The following PPM1N variants were observed in gnomAD, a reference collection of about 807,000 sequenced individuals.
PPM1N encodes the protein protein phosphatase, Mg2+/Mn2+ dependent 1N (putative), also known as probable protein phosphatase 1N.
PPM1N carries 35 observed loss-of-function variants against 32.6 expected under a neutral mutation model. That is an observed-to-expected ratio of 1.07 (90% CI 0.82 to 1.43). PPM1N has a LOEUF of 1.43. PPM1N is among the 40% of genes most tolerant of loss of function. PPM1N has a pLI of 0.00. For missense variants in PPM1N, 648 were observed against 606.6 expected (o/e 1.07, Z -0.72); for synonymous variants, 275 against 270.5 (o/e 1.02, Z -0.16).
chr19:45,499,087 C>T lies in PPM1N; in HGVS notation c.615C>T (p.Pro205=). The T allele has an allele frequency of 6.6e-7, 1 of 1,515,864 alleles. No homozygotes were observed. Among genetic ancestry groups the T allele is most frequent in the Non-Finnish European group, 8.8e-7 (1 of 1,142,140 alleles). The allele number at this position is 1,515,864 out of a possible 1,614,324, so 93.9% of individuals were successfully genotyped here. The change falls in exon 1 of 5, where the codon CCC becomes CCT. Residue 205 remains proline (P), a synonymous_variant. Transcript: ENST00000451287. The part of the protein sequence containing the change: ...FSTEDHRPLR[P]RERERIHAAG... ...CAGAGGACCACCGGCCCCTTCGACC[C>T]CGGGAACGCGAGCGCATCCACGCCG... is the stretch of plus-strand genomic sequence containing the variant.
chr19:45,500,024 A>T lies in PPM1N; in HGVS notation c.1015A>T (p.Arg339Trp). 6.2e-7 allele frequency: 1 copy of T among 1,603,164 alleles called. No individual in the cohort carries two copies. Among genetic ancestry groups the T allele is most frequent in the South Asian group, 1.1e-5 (1 of 88,540 alleles). The change falls in exon 2 of 5, where the codon AGG becomes TGG. Residue 339 changes from arginine to tryptophan, a missense_variant. Physicochemically the swap from Arg to Trp is moderately radical, Grantham distance 101. Coordinates refer to ENST00000451287, the MANE Select transcript of PPM1N (RefSeq NM_001080401.2). Reference sequence around the variant, plus strand: ...TAGGCCTTCTGAGGAGGCGATCAGGAGGGAGCTAGCACTGGACGCAGCCCT... The same window carrying T: ...TAGGCCTTCTGAGGAGGCGATCAGGTGGGAGCTAGCACTGGACGCAGCCCT... The part of the protein sequence containing the change: ...APRPSEEAIR[R>W]ELALDAALGC...
In PPM1N at chr19:45,502,257, G is replaced by C. The variant is rs1968426727; in HGVS notation, c.*172G>C. 2.0e-5 allele frequency: 6 copies of C among 302,222 alleles called. No individual in the cohort carries two copies. Among genetic ancestry groups the C allele is most frequent in the South Asian group, 1.6e-4 (6 of 38,354 alleles). The allele number at this position is 302,222 out of a possible 1,614,324, so 18.7% of individuals were successfully genotyped here. A position where few individuals can be genotyped will look rare whatever the true frequency, so the allele number is the denominator to read the frequency against. ...CTTCCCTCTCACAGAAAAGTCTTAC[G>C]AATGGGGAAATTCCACCAACATCCA... On this transcript the variant is annotated 3_prime_UTR_variant, in exon 5 of 5. Transcript: ENST00000451287.
rs910680795 is a variant in PPM1N at position 45,499,621 on chromosome 19, T to C, written c.939+210T>C. 21 of 1,548,512 alleles carry C rather than the reference T, an allele frequency of 1.4e-5. No individual in the cohort carries two copies. In the Middle Eastern group the frequency reaches 8.3e-4, roughly 61 times the overall value. ...ATGCTTTGAGGCACGGGAGAGTTAG[T>C]GGAAGGGACTTAAGAGAAAGGGCGT... On this transcript the variant is annotated intron_variant, in intron 1 of 4. Coordinates refer to ENST00000451287, the MANE Select transcript of PPM1N (RefSeq NM_001080401.2).
intron 2 of PPM1N, 139 bp from the exon 3 acceptor site, chr19:45,500,317 T>G (rs923123258): frequency 1.2e-5 from 10 of 823,556 alleles, no homozygotes; most frequent in Non-Finnish European, 1.9e-5. Context: ...GTATTGTTAG[T>G]ATAGACGGGG....
chr19:45,500,853 C>CT (rs1292333726), intron 4 of PPM1N, 143 bp downstream of exon 4: 2 of 659,412 alleles, frequency 3.0e-6, no homozygotes, highest in South Asian at 4.0e-5. Flanking sequence ...CTTTCTTTCT[C>CT]TTTTTTTCTT....
In PPM1N at chr19:45,499,211, GAGCTACAGCTC is replaced by G; in HGVS notation, c.740_750del (p.Glu247GlyfsTer15). On this transcript the variant is annotated frameshift_variant, in exon 1 of 5. Coordinates refer to ENST00000451287, the MANE Select transcript of PPM1N (RefSeq NM_001080401.2). LOFTEE classifies it high-confidence loss of function. ...CAAGGAGGCTCCGGGGAGGCCCCCC[GAGCTACAGCTC>G]GTTTCTGCGGAGCCAGAGGTGGCCG... is the stretch of plus-strand genomic sequence containing the variant. The G allele has an allele frequency of 6.4e-7, 1 of 1,568,284 alleles. No homozygotes were observed. Among genetic ancestry groups the G allele is most frequent in the East Asian group, 2.3e-5 (1 of 44,152 alleles).
In PPM1N at chr19:45,498,691, A is replaced by G; in HGVS notation, c.219A>G (p.Gln73=). 2 of 1,487,012 alleles carry G rather than the reference A, an allele frequency of 1.3e-6. No homozygotes were observed. Among genetic ancestry groups the G allele is most frequent in the Non-Finnish European group, 1.8e-6 (2 of 1,120,904 alleles). The allele number at this position is 1,487,012 out of a possible 1,614,324, so 92.1% of individuals were successfully genotyped here. ...GGLRFGASAA[Q]GWRARMEDAH... is the part of the protein sequence containing the mutation. ...TGCGCTTCGGGGCGAGCGCAGCGCA[A>G]GGCTGGCGCGCGCGCATGGAGGATG... The change falls in exon 1 of 5, where the codon CAA becomes CAG. Residue 73 remains glutamine, a synonymous_variant. Transcript: ENST00000451287.
rs774583127 is a variant in PPM1N at position 45,500,453 on chromosome 19, C to G, written c.1058-3C>G. 3.1e-6 allele frequency: 5 copies of G among 1,602,732 alleles called. No homozygotes were observed. Among genetic ancestry groups the G allele is most frequent in the Non-Finnish European group, 4.3e-6 (5 of 1,174,476 alleles). On this transcript the variant is annotated splice_polypyrimidine_tract_variant and splice_region_variant and intron_variant, in intron 2 of 4. Coordinates refer to ENST00000451287, the MANE Select transcript of PPM1N (RefSeq NM_001080401.2). ...CCCAGCCTAACTCTTGACTCTTTCT[C>G]AGAACTGTGTGCCTCTGCTCAGAAG...
chr19:45,498,444 T>A lies in PPM1N; in HGVS notation c.-29T>A, dbSNP rs866437122. 3.8e-6 allele frequency: 5 copies of A among 1,325,470 alleles called. No homozygotes were observed. The African/African-American group carries it at 6.2e-5, about 16-fold the overall frequency. The allele number at this position is 1,325,470 out of a possible 1,614,324, so 82.1% of individuals were successfully genotyped here. ...GGAGGGGGCGGGCAGGTGTACAGGG[T>A]GGAGCCTTCCTGATCCCAGGGCTGA... On this transcript the variant is annotated 5_prime_UTR_variant, in exon 1 of 5. Transcript: ENST00000451287.
rs757373887 is a variant in PPM1N, at chr19:45,502,137, AAAG to A, written c.*58_*60del. Reference sequence around the variant, plus strand: ...GCTTCTCTGGGGCCTCAACAGAACTAAAGAAGAAAACCGACCCTTTCCCCAACT... The same window carrying A: ...GCTTCTCTGGGGCCTCAACAGAACTAAAGAAAACCGACCCTTTCCCCAACT... On this transcript the variant is annotated 3_prime_UTR_variant, in exon 5 of 5. Transcript: ENST00000451287. 37 of 1,444,144 alleles carry A rather than the reference AAAG, an allele frequency of 2.6e-5. No homozygotes were observed. The African/African-American group carries it at 4.1e-4, about 16-fold the overall frequency. The allele number at this position is 1,444,144 out of a possible 1,614,324, so 89.5% of individuals were successfully genotyped here. A position where few individuals can be genotyped will look rare whatever the true frequency, so the allele number is the denominator to read the frequency against.
At chr19:45,499,601 T>C (rs1290490826) in intron 1 of PPM1N, 190 bp downstream of exon 1, 1 of 1,549,448 alleles carries the variant, frequency 6.5e-7, no homozygotes, top group Admixed American at 2.0e-5. Context: ...GAGGGATGCT[T>C]TGAGGCACGG....
Position 45,499,060 on chromosome 19 carries a change from C to A in PPM1N, c.588C>A (p.Ser196Arg), listed in dbSNP as rs1490140274. The change falls in exon 1 of 5, where the codon AGC (serine) becomes AGA (arginine). Residue 196 changes from serine to arginine, a missense_variant. Ser to Arg is a moderately radical substitution (Grantham distance 110, BLOSUM62 -1). Transcript: ENST00000451287. ...VLSRAGAVAFSTEDHRPLRPR... is the reference protein window; with the variant it reads ...VLSRAGAVAFRTEDHRPLRPR... The stretch of plus-strand genomic sequence containing the variant: ...GCCGCGCTGGCGCCGTGGCCTTCAG[C>A]ACAGAGGACCACCGGCCCCTTCGAC... 2 of 1,527,572 alleles carry A rather than the reference C, an allele frequency of 1.3e-6. No homozygotes were observed. Among genetic ancestry groups the A allele is most frequent in the East Asian group, 4.6e-5 (2 of 43,212 alleles). 94.6% of individuals were successfully genotyped at this position (1,527,572 alleles called of 1,614,324 possible).
intron 4 of PPM1N, among the ~76,000 whole-genome samples, chr19:45,501,332 C>T (rs1035968350): frequency 2.0e-5 from 3 of 152,060 alleles, no homozygotes. Flanking sequence ...TGGAGATATC[C>T]AAAGATGTAT....
rs1406066478 is a variant in PPM1N at position 45,502,395 on chromosome 19, C to A, written c.*310C>A. On this transcript the variant is annotated 3_prime_UTR_variant, in exon 5 of 5. Coordinates refer to ENST00000451287, the MANE Select transcript of PPM1N (RefSeq NM_001080401.2). The stretch of plus-strand genomic sequence containing the variant: ...GAGCCGAACAGATTCTGAGAGATAA[C>A]CCAGTCCAATAACCTCTTTCCTTCT... The A allele has an allele frequency of 5.9e-6, 3 of 509,168 alleles. No homozygotes were observed. Among genetic ancestry groups the A allele is most frequent in the African/African-American group, 2.1e-5 (1 of 47,558 alleles). 31.5% of individuals were successfully genotyped at this position (509,168 alleles called of 1,614,324 possible).
rs1486094240 is a variant in PPM1N, at chr19:45,502,067, C to T, written c.1275C>T (p.Ala425=). Residue 425 remains alanine, a synonymous_variant, in exon 5 of 5, where the codon GCC becomes GCT. Coordinates refer to ENST00000451287, the MANE Select transcript of PPM1N (RefSeq NM_001080401.2). ...CCAACCCCACGCATTTGGGCTCAGC[C>T]TTGGACATGGAGGCCTGACAGCTGT... ...GKSNPTHLGS[A]LDMEA 6.3e-6 allele frequency: 10 copies of T among 1,578,286 alleles called. No homozygotes were observed. Among genetic ancestry groups the T allele is most frequent in the African/African-American group, 1.4e-5 (1 of 72,154 alleles).
Position 45,502,431 on chromosome 19 carries a change from C to T in PPM1N, c.*346C>T. 1 of 464,318 alleles carries T rather than the reference C, an allele frequency of 2.2e-6. No individual in the cohort carries two copies. Among genetic ancestry groups the T allele is most frequent in the Non-Finnish European group, 3.7e-6 (1 of 268,610 alleles). The allele number at this position is 464,318 out of a possible 1,614,324, so 28.8% of individuals were successfully genotyped here. On this transcript the variant is annotated 3_prime_UTR_variant, in exon 5 of 5. Transcript: ENST00000451287. The stretch of plus-strand genomic sequence containing the variant: ...AACCTCTTTCCTTCTTATTACTCAT[C>T]TGTTTTTGAGGGGAAGTAGAGTTTT...
Position 45,500,682 on chromosome 19 carries a change from T to C in PPM1N, c.1196T>C (p.Ile399Thr). 9 of 1,604,412 alleles carry C rather than the reference T, an allele frequency of 5.6e-6. No individual in the cohort carries two copies. The highest frequency in any genetic ancestry group is 1.7e-5 in the Admixed American group (1 of 58,714). ...ATVIAEVYSQICQVSEECGEK... is the reference protein window; with the variant it reads ...ATVIAEVYSQTCQVSEECGEK... The stretch of plus-strand genomic sequence containing the variant: ...GTCATTGCTGAAGTTTATTCTCAGA[T>C]CTGCCAGGTCTCAGAAGAGTGCGGA... The change falls in exon 4 of 5, where the codon ATC (isoleucine) becomes ACC (threonine). Residue 399 changes from isoleucine (I) to threonine (T), a missense_variant. By Grantham distance (89) the Ile-to-Thr change is moderately conservative (BLOSUM62 -1). Coordinates refer to ENST00000451287, the MANE Select transcript of PPM1N (RefSeq NM_001080401.2).
Position 45,502,339 on chromosome 19 carries a change from A to AAAAAC in PPM1N, c.*257_*258insACAAA, listed in dbSNP as rs1968432152. The AAAAAC allele has an allele frequency of 1.8e-6, 1 of 552,854 alleles. No individual in the cohort carries two copies. The highest frequency in any genetic ancestry group is 4.2e-5 in the Admixed American group (1 of 24,094). 34.2% of individuals were successfully genotyped at this position (552,854 alleles called of 1,614,324 possible). A position where few individuals can be genotyped will look rare whatever the true frequency, so the allele number is the denominator to read the frequency against. Reference sequence around the variant, plus strand: ...AAAAAAAAAAAAAAAAAAAAACAAAAAAACCCAACCAAATGTTTTTGAAAT... The same window carrying AAAAAC: ...AAAAAAAAAAAAAAAAAAAAACAAAAAAAACAAACCCAACCAAATGTTTTTGAAAT... On this transcript the variant is annotated 3_prime_UTR_variant, in exon 5 of 5. Transcript: ENST00000451287.
Position 45,498,683 on chromosome 19 carries a change from G to A in PPM1N, c.211G>A (p.Ala71Thr), listed in dbSNP as rs1207810402. The change falls in exon 1 of 5, where the codon GCA (alanine) becomes ACA (threonine). Residue 71 changes from alanine to threonine, a missense_variant. Ala to Thr is a moderately conservative substitution (Grantham distance 58). Transcript: ENST00000451287. ...ASGGLRFGAS[A>T]AQGWRARMED... is the part of the protein sequence containing the mutation. ...TGGGGGCCTGCGCTTCGGGGCGAGC[G>A]CAGCGCAAGGCTGGCGCGCGCGCAT... 6.9e-7 allele frequency: 1 copy of A among 1,457,570 alleles called. No homozygotes were observed. The highest frequency in any genetic ancestry group is 2.8e-5 in the Admixed American group (1 of 35,180). 90.3% of individuals were successfully genotyped at this position (1,457,570 alleles called of 1,614,324 possible).
Sources: allele counts gnomAD v4.1 joint callset (sites outside exome capture counted in the v4.1 genomes callset), GRCh38; gene constraint gnomAD v4.1.1; transcripts MANE v1.5; gene names NCBI Gene and HGNC (gene_info 2026-07-23, HGNC 2026-07-21).